The following KCNT2 variants were observed in gnomAD, a reference collection of about 807,000 sequenced individuals.
KCNT2 encodes the protein potassium channel subfamily T member 2.
Under a neutral mutation model 153.8 loss-of-function variants are expected in KCNT2, and 67 were observed. That is an observed-to-expected ratio of 0.44 (90% CI 0.36 to 0.53). The LOEUF (loss-of-function observed/expected upper bound fraction) is 0.53. KCNT2 is among the 20% of genes least tolerant of loss of function. The pLI is 0.00. For missense variants in KCNT2, 975 were observed against 1,354.8 expected, an observed-to-expected ratio of 0.72 and a Z score of 4.40; for synonymous variants, 500 against 458.8, an observed-to-expected ratio of 1.09 and a Z score of -1.15.
intron 8 of KCNT2, among the ~76,000 whole-genome samples, chr1:196,444,577 A>T (rs1389699757): frequency 2.0e-5 from 3 of 151,464 alleles, no homozygotes; most frequent in African/African-American, 7.3e-5. Context: ...TTCATCAAAA[A>T]GTCAACTGTA....
At chr1:196,266,887 T>C (rs1315036546) in intron 25 of KCNT2, among the ~76,000 whole-genome samples, 1 of 152,226 alleles carries the variant, frequency 6.6e-6, no homozygotes, top group African/African-American at 2.4e-5. Flanking sequence ...AAATATGTTC[T>C]ATTAAGTGCC....
At chr1:196,561,630 G>A (rs1226129063) in intron 1 of KCNT2, among the ~76,000 whole-genome samples, 3 of 93,256 alleles carry the variant, frequency 3.2e-5, no homozygotes, top group South Asian at 4.1e-4. Flanking sequence ...CTCCAGCCTG[G>A]ACACAGAGCG....
chr1:196,514,772 T>C (rs368942727), intron 1 of KCNT2, among the ~76,000 whole-genome samples: 14 of 152,188 alleles, frequency 9.2e-5, no homozygotes, highest in African/African-American at 3.4e-4. Flanking sequence ...TTTTTGATGC[T>C]TTTCATATAC....
At chr1:196,402,772 A>G (rs1305169904) in intron 12 of KCNT2, among the ~76,000 whole-genome samples, 1 of 151,680 alleles carries the variant, frequency 6.6e-6, no homozygotes, top group African/African-American at 2.4e-5. Flanking sequence ...CAGAGATCAA[A>G]ACAAACATCT....
rs375882990 is a variant in KCNT2, at chr1:196,348,740, T to C, written c.1404-6512A>G. Among the ~76,000 whole-genome samples, 7 of 152,084 alleles carry C rather than the reference T, an allele frequency of 4.6e-5. No individual in the cohort carries two copies. In the South Asian group the frequency reaches 1.5e-3, roughly 32 times the overall value. The stretch of plus-strand genomic sequence containing the variant: ...AGTATATGTTTAATATTTGAAAGAA[T>C]CCCGGCCAGGCACGGTGGCTCACGC... On this transcript the variant is annotated intron_variant, in intron 14 of 27. Transcript: ENST00000294725.
intron 14 of KCNT2, among the ~76,000 whole-genome samples, chr1:196,354,343 T>C (rs1667002522): frequency 6.6e-6 from 1 of 151,768 alleles, no homozygotes; most frequent in Admixed American, 6.6e-5. Flanking sequence ...GCTAAACAGA[T>C]GATAAATAAT....
chr1:196,481,212 T>C lies in KCNT2; in HGVS notation c.324+1119A>G, dbSNP rs558703172. Among the ~76,000 whole-genome samples, 72 of 152,270 alleles carry C rather than the reference T, an allele frequency of 4.7e-4. 2 individuals are homozygous for C. The South Asian group carries it at 0.015, about 32-fold the overall frequency. ...CACAATGCACACATACTTAAAGTAA[T>C]TCATTATCACATACAAATATACAGA... On this transcript the variant is annotated intron_variant, in intron 4 of 27. Coordinates refer to ENST00000294725, the MANE Select transcript of KCNT2 (RefSeq NM_198503.5).
At chr1:196,245,158 G>C (rs1346651438) in intron 26 of KCNT2, among the ~76,000 whole-genome samples, 2 of 152,138 alleles carry the variant, frequency 1.3e-5, no homozygotes, top group African/African-American at 4.8e-5. Flanking sequence ...TGCACCGTGA[G>C]TAGATATGGC....
rs1655247701 is a variant in KCNT2, at chr1:196,533,965, G to A, written c.96-41624C>T. On this transcript the variant is annotated intron_variant, in intron 1 of 27. Coordinates refer to ENST00000294725, the MANE Select transcript of KCNT2 (RefSeq NM_198503.5). ...TGAGGGGCTTCTCTTCTTGTAGATG[G>A]TCAGCTCCAAAGGTAATCTGATTAA... Among the ~76,000 whole-genome samples the A allele has an allele frequency of 3.9e-5, 6 of 151,990 alleles. No individual in the cohort carries two copies. In the South Asian group the frequency reaches 1.2e-3, roughly 31 times the overall value.
intron 14 of KCNT2, among the ~76,000 whole-genome samples, chr1:196,345,833 A>T (rs1217736585): frequency 6.6e-6 from 1 of 152,172 alleles, no homozygotes; most frequent in Non-Finnish European, 1.5e-5. Flanking sequence ...ATAAACAAAC[A>T]AATAAATATA....
chr1:196,475,429 G>A (rs80028926), intron 5 of KCNT2, among the ~76,000 whole-genome samples: 1,592 of 152,088 alleles, frequency 0.01, 25 homozygotes, highest in African/African-American at 0.037. Flanking sequence ...ACCAGCCTAA[G>A]CAACATAGCA....
chr1:196,318,198 G>T (rs1204725410), intron 20 of KCNT2, among the ~76,000 whole-genome samples: 1 of 151,522 alleles, frequency 6.6e-6, no homozygotes, highest in Admixed American at 6.6e-5. Flanking sequence ...CCCTCTCTAA[G>T]ACCCCTTTTT....
At chr1:196,520,467 C>T (rs1353884144) in intron 1 of KCNT2, among the ~76,000 whole-genome samples, 1 of 151,462 alleles carries the variant, frequency 6.6e-6, no homozygotes, top group Non-Finnish European at 1.5e-5. Context: ...GCAATCAGGC[C>T]CAAGAAAGAA....
At chr1:196,494,358 G>C (rs145711610) in intron 1 of KCNT2, among the ~76,000 whole-genome samples, 245 of 152,276 alleles carry the variant, frequency 1.6e-3, no homozygotes, top group African/African-American at 5.7e-3. Flanking sequence ...CCATTTTTCA[G>C]ATAATATTGG....
intron 17 of KCNT2, among the ~76,000 whole-genome samples, chr1:196,333,465 T>C (rs1008097989): frequency 6.6e-6 from 1 of 152,082 alleles, no homozygotes; most frequent in Non-Finnish European, 1.5e-5. Flanking sequence ...GAATAATTGA[T>C]TGAACTTCAA....
Position 196,301,639 on chromosome 1 carries a change from T to A in KCNT2, c.2595+3595A>T, listed in dbSNP as rs150290299. 4.4e-3 allele frequency among the ~76,000 whole-genome samples: 676 copies of A among 152,270 alleles called. 4 individuals carry two copies. The highest frequency in any genetic ancestry group is 0.015 in the African/African-American group (615 of 41,556). ...AATACAGTTTAACATTCCACACCTA[T>A]CCCTATAAATCCTACTTCTTAAACA... On this transcript the variant is annotated intron_variant, in intron 22 of 27. Transcript: ENST00000294725.
At chr1:196,280,596 T>C (rs1659003519) in intron 25 of KCNT2, among the ~76,000 whole-genome samples, 16 of 152,072 alleles carry the variant, frequency 1.1e-4, no homozygotes, top group Admixed American at 9.8e-4. Flanking sequence ...AAACAGCTAA[T>C]CCTAGATCTA....
intron 1 of KCNT2, among the ~76,000 whole-genome samples, chr1:196,535,889 A>C (rs1269295482): frequency 6.6e-6 from 1 of 152,228 alleles, no homozygotes; most frequent in East Asian, 1.9e-4. Context: ...CATATCATGC[A>C]GAGTTGTGTG....
rs1450165273 is a variant in KCNT2, at chr1:196,366,161, A to AT, written c.1403+6978dup. ...TCTTTATTTACTTATTTATTTAATTATTATTTTTTTTTTTTGAGACAGAGT... is the reference window on the plus strand; with the variant it reads ...TCTTTATTTACTTATTTATTTAATTATTTATTTTTTTTTTTTGAGACAGAGT... On this transcript the variant is annotated intron_variant, in intron 14 of 27. Coordinates refer to ENST00000294725, the MANE Select transcript of KCNT2 (RefSeq NM_198503.5). 2.8e-3 allele frequency among the ~76,000 whole-genome samples: 422 copies of AT among 149,412 alleles called. 5 individuals are homozygous for AT. The highest frequency in any genetic ancestry group is 6.8e-3 in the Middle Eastern group (2 of 292).
Sources: allele counts gnomAD v4.1 joint callset (sites outside exome capture counted in the v4.1 genomes callset), GRCh38; gene constraint gnomAD v4.1.1; transcripts MANE v1.5; gene names NCBI Gene and HGNC (gene_info 2026-07-23, HGNC 2026-07-21).